Variants in SCRG1 observed in about 807,000 individuals in gnomAD.
The protein encoded by SCRG1 is stimulator of chondrogenesis 1.
In SCRG1, 3 loss-of-function variants were observed where a neutral mutation model predicts 7.7. That is an observed-to-expected ratio of 0.39 (90% CI 0.18 to 1.01). SCRG1 has a LOEUF of 1.01. Ranked by LOEUF, SCRG1 falls within the 50% of genes least tolerant of loss-of-function variation. SCRG1 has a pLI of 0.36. For synonymous variants in SCRG1, 46 were observed against 41.2 expected, an observed-to-expected ratio of 1.12 and a Z score of -0.44; for missense variants, 110 against 117.2, an observed-to-expected ratio of 0.94 and a Z score of 0.28.
At chr4:173,396,312 G>A (rs1008867419) in intron 1 of SCRG1, among the ~76,000 whole-genome samples, 1 of 152,176 alleles carries the variant, frequency 6.6e-6, no homozygotes, top group Non-Finnish European at 1.5e-5. Context: ...ACAAATTTGA[G>A]AGTAATCAGG....
At chr4:173,401,055 G>A (rs920175889), upstream of SCRG1, among the ~76,000 whole-genome samples, 2 of 152,166 alleles carry the variant, frequency 1.3e-5, no homozygotes, top group Admixed American at 6.5e-5. Flanking sequence ...GCAGTGCTGG[G>A]AGAACAACAC....
the SCRG1 span, among the ~76,000 whole-genome samples, chr4:173,460,466 G>A: frequency 6.6e-6 from 1 of 152,180 alleles, no homozygotes; most frequent in Non-Finnish European, 1.5e-5. Flanking sequence ...TTACATCTTG[G>A]ATACCAGCTA....
the SCRG1 span, among the ~76,000 whole-genome samples, chr4:173,475,067 T>A: frequency 3.0e-4 from 45 of 151,368 alleles, no homozygotes; most frequent in African/African-American, 7.3e-4. Flanking sequence ...ATTCTCTCTC[T>A]CCCCTTCATG....
the SCRG1 span, among the ~76,000 whole-genome samples, chr4:173,449,111 C>T: frequency 6.5e-4 from 99 of 152,290 alleles, 1 homozygote; most frequent in Non-Finnish European, 1.2e-3. Flanking sequence ...GTCGTTTAGG[C>T]AATGTAGGAC....
the SCRG1 span, among the ~76,000 whole-genome samples, chr4:173,446,400 C>T: frequency 6.6e-6 from 1 of 150,626 alleles, no homozygotes; most frequent in African/African-American, 2.4e-5. Context: ...GTCATGCACT[C>T]ACGGGGGGAA....
the SCRG1 span, among the ~76,000 whole-genome samples, chr4:173,484,873 T>G: frequency 1.3e-5 from 1 of 75,280 alleles, no homozygotes; most frequent in Non-Finnish European, 2.2e-5. Flanking sequence ...GTATATTTTA[T>G]ATATTATATA....
chr4:173,447,086 A>G, the SCRG1 span, among the ~76,000 whole-genome samples: 83,766 of 152,122 alleles, frequency 0.55, 24,526 homozygotes, highest in Non-Finnish European at 0.67. Flanking sequence ...ACAAATTGCC[A>G]TAGGTCAGGT....
At chr4:173,413,556 C>A in the SCRG1 span, among the ~76,000 whole-genome samples, 3 of 152,178 alleles carry the variant, frequency 2.0e-5, no homozygotes, top group Admixed American at 2.0e-4. Flanking sequence ...ACAACAGCAA[C>A]CATCAGTAAC....
At chr4:173,453,772 C>T in the SCRG1 span, among the ~76,000 whole-genome samples, 6 of 152,158 alleles carry the variant, frequency 3.9e-5, no homozygotes, top group Non-Finnish European at 7.4e-5. Context: ...GACAAACATT[C>T]ACCTTCTGAG....
At chr4:173,418,202 C>A in the SCRG1 span, among the ~76,000 whole-genome samples, 1 of 152,224 alleles carries the variant, frequency 6.6e-6, no homozygotes, top group African/African-American at 2.4e-5. Flanking sequence ...ATACATTGCC[C>A]TCCCTGCATT....
the SCRG1 span, among the ~76,000 whole-genome samples, chr4:173,488,133 ATT>A: frequency 0.078 from 11,796 of 151,276 alleles, 545 homozygotes; most frequent in Non-Finnish European, 0.093. Context: ...AAATAAATAA[ATT>A]TAAAAAATGG....
chr4:173,396,640 A>T (rs772075504), intron 1 of SCRG1, among the ~76,000 whole-genome samples: 30 of 150,858 alleles, frequency 2.0e-4, no homozygotes, highest in Non-Finnish European at 4.1e-4. Context: ...GCATAAGATC[A>T]TTTTTTTGCC....
the SCRG1 span, among the ~76,000 whole-genome samples, chr4:173,470,929 A>C: frequency 6.6e-6 from 1 of 152,220 alleles, no homozygotes. Flanking sequence ...AAATGAAATA[A>C]GGAAAGTCTG....
At chr4:173,484,437 A>T in the SCRG1 span, among the ~76,000 whole-genome samples, 6,092 of 29,744 alleles carry the variant, frequency 0.2, 1,311 homozygotes, top group Non-Finnish European at 0.27. Context: ...TATTATATAC[A>T]TATGATATAT....
chr4:173,508,437 G>T, the SCRG1 span, among the ~76,000 whole-genome samples: 1 of 151,938 alleles, frequency 6.6e-6, no homozygotes, highest in Non-Finnish European at 1.5e-5. This position sits in a 1 kb window ranked among gnomAD's most constrained non-coding sequence, Gnocchi z 4.4. Flanking sequence ...GACAGTAACC[G>T]CCTCCCAGCA....
the SCRG1 span, among the ~76,000 whole-genome samples, chr4:173,483,806 G>A: frequency 2.5e-3 from 22 of 8,664 alleles, 4 homozygotes; most frequent in East Asian, 6.8e-3. Flanking sequence ...TATGATATAT[G>A]ATATGTAATA....
At chr4:173,412,390 TCC>T in the SCRG1 span, among the ~76,000 whole-genome samples, 1 of 152,190 alleles carries the variant, frequency 6.6e-6, no homozygotes. Context: ...TATCTCATGA[TCC>T]CTACCATTTC....
the SCRG1 span, among the ~76,000 whole-genome samples, chr4:173,509,324 A>G: frequency 6.6e-6 from 1 of 152,120 alleles, no homozygotes; most frequent in Non-Finnish European, 1.5e-5. This position sits in a 1 kb window ranked among gnomAD's most constrained non-coding sequence, Gnocchi z 5.7. Flanking sequence ...CTGCCTGAAT[A>G]AAGCCCTCGC....
chr4:173,395,843 G>A (rs1739587952), intron 1 of SCRG1, among the ~76,000 whole-genome samples: 1 of 152,208 alleles, frequency 6.6e-6, no homozygotes, highest in South Asian at 2.1e-4. Flanking sequence ...TGGTTATTAT[G>A]TGAATTTACC....
Sources: allele counts gnomAD v4.1 joint callset (sites outside exome capture counted in the v4.1 genomes callset), GRCh38; gene constraint gnomAD v4.1.1; non-coding constraint Gnocchi (gnomAD v3.1); transcripts MANE v1.5; gene names NCBI Gene and HGNC (gene_info 2026-07-23, HGNC 2026-07-21).